The following KCND2 variants were observed in gnomAD, a reference collection of about 807,000 sequenced individuals.
KCND2 encodes potassium voltage-gated channel subfamily D member 2.
In KCND2, 16 loss-of-function variants were observed where a neutral mutation model predicts 54.4. The observed-to-expected ratio is 0.29, with a 90% CI of 0.20 to 0.45. KCND2 has a LOEUF of 0.45. KCND2 is among the 20% of genes least tolerant of loss of function. The probability of loss-of-function intolerance (pLI) is 1.00; values close to 1 mark genes in which losing one functional copy is unlikely to be tolerated. For missense variants in KCND2, 486 were observed against 824.2 expected, an observed-to-expected ratio of 0.59 and a Z score of 5.02; for synonymous variants, 317 against 310.7, an observed-to-expected ratio of 1.02 and a Z score of -0.21.
chr7:120,278,634 G>A (rs537404521), intron 1 of KCND2, among the ~76,000 whole-genome samples: 3 of 151,654 alleles, frequency 2.0e-5, no homozygotes, highest in African/African-American at 7.2e-5. Flanking sequence ...ATGATCTAAA[G>A]AACTGAGTGT....
At chr7:120,541,258 G>A (rs1237883936) in intron 1 of KCND2, among the ~76,000 whole-genome samples, 1 of 152,064 alleles carries the variant, frequency 6.6e-6, no homozygotes, top group African/African-American at 2.4e-5. Flanking sequence ...GAGAACTCTA[G>A]CTCCTTTGAG....
chr7:120,447,463 T>C (rs1404060522), intron 1 of KCND2, among the ~76,000 whole-genome samples: 3 of 152,076 alleles, frequency 2.0e-5, no homozygotes, highest in Non-Finnish European at 2.9e-5. Context: ...TACTTGGAGC[T>C]TCCGTAGCCA....
chr7:120,464,021 T>TGA (rs200466344), intron 1 of KCND2: 38 of 969,772 alleles, frequency 3.9e-5, no homozygotes, highest in Non-Finnish European at 4.3e-5. Context: ...AGTTTTGTTT[T>TGA]TTTTTTTTTT....
intron 1 of KCND2, among the ~76,000 whole-genome samples, chr7:120,647,576 G>C: frequency 6.6e-6 from 1 of 152,090 alleles, no homozygotes; most frequent in Middle Eastern, 3.2e-3. Context: ...TTCTAGTCAG[G>C]TTGATACAGC....
At chr7:120,575,899 G>T (rs1450934734) in intron 1 of KCND2, among the ~76,000 whole-genome samples, 6 of 78,248 alleles carry the variant, frequency 7.7e-5, no homozygotes, top group Non-Finnish European at 1.8e-4. Context: ...AATGAGTTTA[G>T]CAATGTCTAA....
chr7:120,336,073 T>C (rs963267035), intron 1 of KCND2, among the ~76,000 whole-genome samples: 1 of 152,084 alleles, frequency 6.6e-6, no homozygotes, highest in African/African-American at 2.4e-5. Flanking sequence ...TTTTTTAAGG[T>C]GGGATAAACA....
chr7:120,634,380 T>G (rs936175738), intron 1 of KCND2, among the ~76,000 whole-genome samples: 1 of 152,210 alleles, frequency 6.6e-6, no homozygotes, highest in African/African-American at 2.4e-5. Context: ...TGCTTACTTG[T>G]CATCCCTACT....
At chr7:120,722,330 T>G (rs1792677854) in intron 1 of KCND2, among the ~76,000 whole-genome samples, 2 of 152,066 alleles carry the variant, frequency 1.3e-5, no homozygotes. Flanking sequence ...TTCATAGAAC[T>G]GCCATCAGAT....
chr7:120,323,575 T>C (rs1311438242), intron 1 of KCND2, among the ~76,000 whole-genome samples: 1 of 150,464 alleles, frequency 6.6e-6, no homozygotes, highest in African/African-American at 2.5e-5. Flanking sequence ...TGCGATAGTT[T>C]ACTGAGAATG....
chr7:120,545,644 A>C (rs562640234), intron 1 of KCND2, among the ~76,000 whole-genome samples: 43 of 151,962 alleles, frequency 2.8e-4, no homozygotes, highest in African/African-American at 9.6e-4. Context: ...AATTCTAGGC[A>C]TACTCTGTGT....
intron 1 of KCND2, among the ~76,000 whole-genome samples, chr7:120,330,057 A>G (rs1216420611): frequency 1.3e-5 from 2 of 152,146 alleles, no homozygotes; most frequent in African/African-American, 4.8e-5. Flanking sequence ...AAAAAGGTCT[A>G]TAGAGGATGT....
At chr7:120,517,418 AT>A (rs1803212903) in intron 1 of KCND2, among the ~76,000 whole-genome samples, 1 of 152,062 alleles carries the variant, frequency 6.6e-6, no homozygotes, top group Non-Finnish European at 1.5e-5. Context: ...GTAATAATTA[AT>A]ATCAGTAAAC....
At chr7:120,338,497 T>G (rs1271265209) in intron 1 of KCND2, among the ~76,000 whole-genome samples, 1 of 152,122 alleles carries the variant, frequency 6.6e-6, no homozygotes, top group African/African-American at 2.4e-5. Context: ...TAAAGCATAT[T>G]GAAATGGTAT....
At chr7:120,399,316 A>T (rs1301104743) in intron 1 of KCND2, among the ~76,000 whole-genome samples, 1 of 151,986 alleles carries the variant, frequency 6.6e-6, no homozygotes, top group Non-Finnish European at 1.5e-5. Flanking sequence ...AGACTCTGTC[A>T]TCAGAGTTTA....
intron 1 of KCND2, among the ~76,000 whole-genome samples, chr7:120,420,628 G>A (rs1278935592): frequency 1.3e-5 from 2 of 152,080 alleles, no homozygotes; most frequent in African/African-American, 2.4e-5. Flanking sequence ...GGGGGAAGGG[G>A]TGTCTATGAA....
At chr7:120,311,950 A>C (rs1038135973) in intron 1 of KCND2, among the ~76,000 whole-genome samples, 1 of 151,998 alleles carries the variant, frequency 6.6e-6, no homozygotes, top group Non-Finnish European at 1.5e-5. Context: ...TGTTCCCTAG[A>C]CTGGAGTGCA....
chr7:120,737,321 A>C (rs1050098204), intron 2 of KCND2, among the ~76,000 whole-genome samples: 2 of 152,008 alleles, frequency 1.3e-5, no homozygotes, highest in Non-Finnish European at 2.9e-5. Flanking sequence ...CTAGAACCTG[A>C]GAATGATCTC....
At chr7:120,306,357 T>C (rs1799651574) in intron 1 of KCND2, among the ~76,000 whole-genome samples, 1 of 152,094 alleles carries the variant, frequency 6.6e-6, no homozygotes, top group African/African-American at 2.4e-5. Context: ...TTTTGAACAA[T>C]GGTTTAGACT....
At chr7:120,359,317 G>A (rs1051323755) in intron 1 of KCND2, among the ~76,000 whole-genome samples, 1 of 152,018 alleles carries the variant, frequency 6.6e-6, no homozygotes, top group African/African-American at 2.4e-5. Flanking sequence ...GATAATACAT[G>A]TGAGGAAGGA....
Sources: allele counts gnomAD v4.1 joint callset (sites outside exome capture counted in the v4.1 genomes callset), GRCh38; gene constraint gnomAD v4.1.1; transcripts MANE v1.5; gene names NCBI Gene and HGNC (gene_info 2026-07-23, HGNC 2026-07-21).